Variants in DLGAP1 observed in about 807,000 individuals in gnomAD.
DLGAP1 encodes the protein DLG associated protein 1, also known as disks large-associated protein 1.
A neutral mutation model predicts 90.8 loss-of-function variants in DLGAP1; 11 were observed. That is an observed-to-expected ratio of 0.12 (90% confidence interval 0.08 to 0.20). DLGAP1 has a LOEUF of 0.20. Among genes scored for constraint, DLGAP1 ranks in the 10% least tolerant of loss-of-function variants. DLGAP1 has a pLI of 1.00. For synonymous variants in DLGAP1, 558 were observed against 540.7 expected (o/e 1.03, Z -0.44); for missense variants, 1,050 against 1,333.8 (o/e 0.79, Z 3.31).
intron 1 of DLGAP1, among the ~76,000 whole-genome samples, chr18:4,368,796 C>T (rs980255187): frequency 6.6e-6 from 1 of 151,212 alleles, no homozygotes; most frequent in Non-Finnish European, 1.5e-5. Context: ...ATTAATAATG[C>T]CCAATATAAT....
In DLGAP1 at chr18:3,548,277, T is replaced by TA. The variant is rs59094958; in HGVS notation, c.2058-13663dup. Among the ~76,000 whole-genome samples, 434 of 151,412 alleles carry TA rather than the reference T, an allele frequency of 2.9e-3. 3 individuals are homozygous for TA. Among genetic ancestry groups the TA allele is most frequent in the Admixed American group, 5.6e-3 (85 of 15,192 alleles). The stretch of plus-strand genomic sequence containing the variant: ...TATATGTATCTTAGTATAATTTTTC[T>TA]AAAAAAAAATCAGCAATTCAATTCA... On this transcript the variant is annotated intron_variant, in intron 9 of 12. Transcript: ENST00000315677.
chr18:3,597,085 G>C (rs747976535), intron 7 of DLGAP1: 1 of 518,988 alleles, frequency 1.9e-6, no homozygotes, highest in East Asian at 5.5e-5. Flanking sequence ...TTCACTCCTC[G>C]TTACTCTTTT....
chr18:4,023,867 TA>T (rs58489472), intron 2 of DLGAP1, among the ~76,000 whole-genome samples: 33,993 of 151,972 alleles, frequency 0.22, 4,131 homozygotes, highest in South Asian at 0.38. Context: ...ATTAATGTAA[TA>T]AAAAAAATTT....
At chr18:3,600,399 C>A (rs895216620) in intron 7 of DLGAP1, among the ~76,000 whole-genome samples, 1 of 151,744 alleles carries the variant, frequency 6.6e-6, no homozygotes, top group Non-Finnish European at 1.5e-5. Flanking sequence ...CCACCACTCC[C>A]AGCTTATTTT....
intron 2 of DLGAP1, among the ~76,000 whole-genome samples, chr18:4,018,237 G>C (rs1167110577): frequency 1.3e-5 from 2 of 152,210 alleles, no homozygotes; most frequent in Non-Finnish European, 2.9e-5. Context: ...TATGACAGCA[G>C]TGAAGGAAGA....
intron 3 of DLGAP1, among the ~76,000 whole-genome samples, chr18:3,912,921 C>G (rs79346486): frequency 6.6e-6 from 1 of 152,102 alleles, no homozygotes; most frequent in African/African-American, 2.4e-5. Flanking sequence ...GTGTTTCCTG[C>G]TCCATCCAGA....
intron 2 of DLGAP1, among the ~76,000 whole-genome samples, chr18:4,057,430 C>T (rs983950333): frequency 5.9e-5 from 9 of 152,200 alleles, no homozygotes; most frequent in African/African-American, 1.9e-4. Context: ...GCAGCCCCTC[C>T]CAAGTGCTGG....
chr18:3,586,074 G>A (rs981038522), intron 7 of DLGAP1, among the ~76,000 whole-genome samples: 4 of 152,164 alleles, frequency 2.6e-5, no homozygotes, highest in Non-Finnish European at 4.4e-5. Context: ...TTGCTCAACA[G>A]GGACATTGGC....
chr18:4,406,188 T>C (rs1472534248), intron 1 of DLGAP1, among the ~76,000 whole-genome samples: 1 of 152,128 alleles, frequency 6.6e-6, no homozygotes, highest in Non-Finnish European at 1.5e-5. Context: ...CCTATGCAGA[T>C]GAAAACTAGG....
chr18:3,849,410 T>G (rs1418993882), intron 4 of DLGAP1, among the ~76,000 whole-genome samples: 1 of 151,858 alleles, frequency 6.6e-6, no homozygotes, highest in Non-Finnish European at 1.5e-5. Context: ...GTATGAGGGG[T>G]GCATTGCATG....
intron 3 of DLGAP1, among the ~76,000 whole-genome samples, chr18:3,977,435 T>TTTTG (rs58849108): frequency 8.3e-4 from 1 of 1,198 alleles, no homozygotes; most frequent in African/African-American, 2.8e-3. Flanking sequence ...TTATTCTGTG[T>TTTTG]TTTTTTTTTT....
At position 3,879,783 on chromosome 18, in the gene DLGAP1, C is replaced by T. The variant is rs532523110; in HGVS notation, c.286G>A (p.Ala96Thr). ...ALVPRTLATK[A>T]NRIPANLLDQ... Reference sequence around the variant, plus strand: ...AGCAGGTTGGCGGGGATGCGGTTCGCCTTGGTGGCCAGGGTGCGGGGCACC... The same window carrying T: ...AGCAGGTTGGCGGGGATGCGGTTCGTCTTGGTGGCCAGGGTGCGGGGCACC... The change falls in exon 4 of 13, where the codon GCG becomes ACG. Residue 96 changes from alanine to threonine, a missense_variant. Around this residue, in one of 2 missense-constraint regions of DLGAP1, gnomAD observed 485 missense variants for 454.1 expected, o/e 1.07. Coordinates refer to ENST00000315677, the MANE Select transcript of DLGAP1 (RefSeq NM_004746.4). The surrounding 1 kb of genome is among the most constrained non-coding windows in gnomAD (Gnocchi z 6.6). 43 of 1,607,348 alleles carry T rather than the reference C, an allele frequency of 2.7e-5. No homozygotes were observed. In the Middle Eastern group the frequency reaches 6.6e-4, roughly 25 times the overall value.
At chr18:4,258,707 C>G (rs953157587) in intron 1 of DLGAP1, among the ~76,000 whole-genome samples, 2 of 152,062 alleles carry the variant, frequency 1.3e-5, no homozygotes, top group African/African-American at 2.4e-5. Flanking sequence ...AGTTTCTTAA[C>G]TGATCATCGT....
At chr18:4,090,641 T>G (rs2075760172) in intron 2 of DLGAP1, among the ~76,000 whole-genome samples, 1 of 152,178 alleles carries the variant, frequency 6.6e-6, no homozygotes, top group African/African-American at 2.4e-5. Context: ...TTTACACCAC[T>G]GGTGGGAATG....
intron 2 of DLGAP1, among the ~76,000 whole-genome samples, chr18:4,128,216 T>G (rs956278681): frequency 1.4e-4 from 21 of 152,306 alleles, no homozygotes; most frequent in Non-Finnish European, 4.4e-5. Context: ...AGACTTTTTT[T>G]TCTTGTTATT....
intron 1 of DLGAP1, among the ~76,000 whole-genome samples, chr18:4,427,649 C>T (rs990908231): frequency 3.9e-5 from 6 of 152,250 alleles, no homozygotes; most frequent in East Asian, 3.9e-4. Flanking sequence ...AAAGGCAGTG[C>T]CCGGGCCTGG....
intron 7 of DLGAP1, among the ~76,000 whole-genome samples, chr18:3,623,230 A>C (rs2058165319): frequency 6.6e-6 from 1 of 152,186 alleles, no homozygotes; most frequent in South Asian, 2.1e-4. Context: ...TGTTGAGAGG[A>C]TCACATGAGA....
At chr18:3,785,605 A>G (rs949824021) in intron 5 of DLGAP1, among the ~76,000 whole-genome samples, 4 of 152,102 alleles carry the variant, frequency 2.6e-5, no homozygotes, top group Non-Finnish European at 4.4e-5. Flanking sequence ...AGAAGACAGA[A>G]ATTAACTTGT....
At chr18:4,106,498 C>CT (rs1388779404) in intron 2 of DLGAP1, among the ~76,000 whole-genome samples, 3 of 151,432 alleles carry the variant, frequency 2.0e-5, no homozygotes, top group African/African-American at 7.2e-5. Flanking sequence ...AGTTTGACCA[C>CT]TGCATTGCGT....
Sources: allele counts gnomAD v4.1 joint callset (sites outside exome capture counted in the v4.1 genomes callset), GRCh38; gene constraint gnomAD v4.1.1; regional missense constraint gnomAD v4.1.1; non-coding constraint Gnocchi (gnomAD v3.1); transcripts MANE v1.5; gene names NCBI Gene and HGNC (gene_info 2026-07-23, HGNC 2026-07-21).